Variants in LTBP1 observed in about 807,000 individuals in gnomAD.
LTBP1 encodes latent-transforming growth factor beta-binding protein 1.
In LTBP1, 129 loss-of-function variants were observed where a neutral mutation model predicts 207.6. The ratio of observed to expected loss-of-function variants is 0.62; its 90% confidence interval spans 0.54 to 0.72. The LOEUF is 0.72. Among genes scored for constraint, LTBP1 ranks in the 30% least tolerant of loss-of-function variants. The pLI, the probability that LTBP1 is intolerant of heterozygous loss-of-function variation, is 0.00. For synonymous variants in LTBP1, 963 were observed against 833.7 expected, an observed-to-expected ratio of 1.16 and a Z score of -2.67; for missense variants, 2,281 against 2,217.2, an observed-to-expected ratio of 1.03 and a Z score of -0.58.
chr2:32,996,389 G>A (rs1179470188), intron 2 of LTBP1, among the ~76,000 whole-genome samples: 1 of 152,098 alleles, frequency 6.6e-6, no homozygotes, highest in Non-Finnish European at 1.5e-5. Flanking sequence ...ACCCTCCAAA[G>A]GCCCCACCTT....
intron 18 of LTBP1, among the ~76,000 whole-genome samples, chr2:33,277,840 T>A (rs1284832641): frequency 6.9e-6 from 1 of 144,228 alleles, no homozygotes; most frequent in Non-Finnish European, 1.5e-5. Flanking sequence ...TTTTTTTTTT[T>A]TTTTTTTTAA....
chr2:33,166,807 T>G (rs1306143783), intron 5 of LTBP1, among the ~76,000 whole-genome samples: 1 of 152,220 alleles, frequency 6.6e-6, no homozygotes, highest in African/African-American at 2.4e-5. Context: ...ACATGTTGGC[T>G]CATCTCATCA....
In LTBP1 at chr2:33,068,186, CAT is replaced by C. The variant is rs757527387; in HGVS notation, c.864-42393_864-42392del. Among the ~76,000 whole-genome samples the C allele has an allele frequency of 6.9e-4, 104 of 150,894 alleles. 1 individual carries two copies. Among genetic ancestry groups the C allele is most frequent in the Non-Finnish European group, 1.0e-3 (69 of 67,744 alleles). On this transcript the variant is annotated intron_variant, in intron 3 of 33. Transcript: ENST00000404816. ...TTGTGGGGTGGGGGGAGGGTGTAAACATATGTTTTTATTTCTCTTGAATAAAT... is the reference window on the plus strand; with the variant it reads ...TTGTGGGGTGGGGGGAGGGTGTAAACATGTTTTTATTTCTCTTGAATAAAT...
rs190269975 is a variant in LTBP1, at chr2:33,343,252, A to T, written c.3856+289A>T. Among the ~76,000 whole-genome samples the T allele has an allele frequency of 9.2e-4, 139 of 150,536 alleles. 2 individuals carry two copies. In the East Asian group the frequency reaches 0.014, roughly 15 times the overall value. The stretch of plus-strand genomic sequence containing the variant: ...TCTTTTCTCTATGAATAAAAATTTT[A>T]AAAAAAAAATTAGCCAGGCTTGATG... On this transcript the variant is annotated intron_variant, in intron 25 of 33. Transcript: ENST00000404816.
chr2:33,324,994 C>T (rs950718124), intron 24 of LTBP1, among the ~76,000 whole-genome samples: 7 of 152,134 alleles, frequency 4.6e-5, no homozygotes, highest in African/African-American at 9.7e-5. Flanking sequence ...CGTGAGCCAC[C>T]GCACCTGGCC....
intron 22 of LTBP1, among the ~76,000 whole-genome samples, chr2:33,308,857 A>G (rs1033682392): frequency 6.6e-6 from 1 of 152,212 alleles, no homozygotes; most frequent in Non-Finnish European, 1.5e-5. Flanking sequence ...AGTGTTGCTC[A>G]AGATACACTT....
At chr2:33,102,610 T>C (rs946028418) in intron 3 of LTBP1, among the ~76,000 whole-genome samples, 2 of 152,244 alleles carry the variant, frequency 1.3e-5, no homozygotes, top group Non-Finnish European at 2.9e-5. Flanking sequence ...CAATTTTTAT[T>C]GGTCTTTCTC....
chr2:32,964,605 A>C (rs1458172877), intron 2 of LTBP1, among the ~76,000 whole-genome samples: 3 of 152,178 alleles, frequency 2.0e-5, no homozygotes, highest in Non-Finnish European at 4.4e-5. Context: ...CTTTTGATGA[A>C]GCATCCAAAT....
intron 3 of LTBP1, among the ~76,000 whole-genome samples, chr2:33,072,933 A>G (rs1239472936): frequency 1.3e-5 from 2 of 152,172 alleles, no homozygotes; most frequent in African/African-American, 4.8e-5. Context: ...TACTCCTGTC[A>G]TGTGTCCCGA....
intron 2 of LTBP1, among the ~76,000 whole-genome samples, chr2:32,951,581 A>G (rs150476434): frequency 6.6e-6 from 1 of 152,272 alleles, no homozygotes; most frequent in East Asian, 1.9e-4. Context: ...CCTAAATTCA[A>G]ATGCTGCAGC....
At chr2:33,268,337 C>T (rs2093235125) in intron 15 of LTBP1, among the ~76,000 whole-genome samples, 1 of 152,204 alleles carries the variant, frequency 6.6e-6, no homozygotes, top group African/African-American at 2.4e-5. Context: ...TTATTTGTTA[C>T]TGTTAGTTTC....
intron 3 of LTBP1, among the ~76,000 whole-genome samples, chr2:33,105,047 C>G (rs1161753274): frequency 6.6e-6 from 1 of 152,148 alleles, no homozygotes; most frequent in Non-Finnish European, 1.5e-5. Context: ...ATTATGGCCC[C>G]TTCTCGATTT....
intron 2 of LTBP1, among the ~76,000 whole-genome samples, chr2:33,019,328 CTTTTTTT>C (rs58570641): frequency 8.0e-5 from 7 of 87,714 alleles, no homozygotes; most frequent in South Asian, 8.6e-4. Flanking sequence ...ATGTACACTT[CTTTTTTT>C]TTTTTTTTTT....
At chr2:33,295,449 C>T (rs552958190) in intron 20 of LTBP1, among the ~76,000 whole-genome samples, 3 of 151,996 alleles carry the variant, frequency 2.0e-5, no homozygotes, top group Non-Finnish European at 4.4e-5. Context: ...ATCACTTGAA[C>T]CCGAGAAGCA....
chr2:33,389,172 T>C lies in LTBP1; in HGVS notation c.4712-12T>C, dbSNP rs749863080. 6.2e-7 allele frequency: 1 copy of C among 1,614,050 alleles called. No homozygotes were observed. Among genetic ancestry groups the C allele is most frequent in the East Asian group, 2.2e-5 (1 of 44,870 alleles). ...CAGTGGTGGGGCCTCATGCTGCTTG[T>C]CTACTCCTTAGATGACTATGCTCAG... On this transcript the variant is annotated splice_polypyrimidine_tract_variant and intron_variant, in intron 31 of 33. Coordinates refer to ENST00000404816, the MANE Select transcript of LTBP1 (RefSeq NM_206943.4).
intron 5 of LTBP1, among the ~76,000 whole-genome samples, chr2:33,163,478 G>C (rs993894705): frequency 1.3e-5 from 2 of 152,204 alleles, no homozygotes; most frequent in Non-Finnish European, 2.9e-5. Context: ...AAAAGCACTG[G>C]AAGCAAGAGC....
At chr2:33,010,844 C>T (rs751175787) in intron 2 of LTBP1, among the ~76,000 whole-genome samples, 3 of 151,568 alleles carry the variant, frequency 2.0e-5, no homozygotes, top group East Asian at 1.9e-4. Flanking sequence ...CTCAGCCTCC[C>T]GAGTAGCTGG....
At chr2:33,303,085 ACT>A (rs1347198742) in intron 22 of LTBP1, among the ~76,000 whole-genome samples, 1 of 152,038 alleles carries the variant, frequency 6.6e-6, no homozygotes, top group Non-Finnish European at 1.5e-5. Context: ...TGTTTTAGGA[ACT>A]CTCTAATATA....
At chr2:33,346,124 A>C (rs1386357624) in intron 25 of LTBP1, among the ~76,000 whole-genome samples, 1 of 152,192 alleles carries the variant, frequency 6.6e-6, no homozygotes, top group African/African-American at 2.4e-5. Flanking sequence ...ACATCAACAG[A>C]ATTTGAAAAG....
Sources: allele counts gnomAD v4.1 joint callset (sites outside exome capture counted in the v4.1 genomes callset), GRCh38; gene constraint gnomAD v4.1.1; transcripts MANE v1.5; gene names NCBI Gene and HGNC (gene_info 2026-07-23, HGNC 2026-07-21).